Variants in EPN2 observed in about 807,000 individuals in gnomAD.
EPN2 encodes the protein epsin 2, also known as epsin-2.
A neutral mutation model predicts 61.7 loss-of-function variants in EPN2; 34 were observed. The observed-to-expected ratio is 0.55, with a 90% CI of 0.42 to 0.73. EPN2 has a LOEUF of 0.73. EPN2 is among the 30% of genes least tolerant of loss of function. The probability of loss-of-function intolerance (pLI) is 0.00; values close to 1 mark genes in which losing one functional copy is unlikely to be tolerated. For missense variants in EPN2, 714 were observed against 839.2 expected, an observed-to-expected ratio of 0.85 and a Z score of 1.84; for synonymous variants, 349 against 353.6, an observed-to-expected ratio of 0.99 and a Z score of 0.15.
intron 1 of EPN2, among the ~76,000 whole-genome samples, chr17:19,238,195 A>G (rs960959036): frequency 1.3e-5 from 2 of 152,092 alleles, no homozygotes; most frequent in African/African-American, 4.8e-5. Context: ...TCCGCGTGGG[A>G]TGGCAGAGAC....
intron 7 of EPN2, among the ~76,000 whole-genome samples, chr17:19,314,916 T>C (rs1906315035): frequency 6.6e-6 from 1 of 152,228 alleles, no homozygotes. Context: ...TGTAAAGTGA[T>C]GGCCACCATA....
intron 4 of EPN2, among the ~76,000 whole-genome samples, chr17:19,294,090 T>TAA (rs35150015): frequency 7.2e-6 from 1 of 139,430 alleles, no homozygotes; most frequent in Non-Finnish European, 1.6e-5. Context: ...ACTCTGTCTT[T>TAA]AAAAAAAAAA....
At chr17:19,302,214 C>CA (rs1905565061) in intron 4 of EPN2, among the ~76,000 whole-genome samples, 1 of 152,228 alleles carries the variant, frequency 6.6e-6, no homozygotes, top group South Asian at 2.1e-4. Context: ...CCTCGAGAGA[C>CA]AGTGTTGCAC....
intron 1 of EPN2, among the ~76,000 whole-genome samples, chr17:19,240,391 G>A (rs937181560): frequency 6.6e-6 from 1 of 152,116 alleles, no homozygotes; most frequent in Non-Finnish European, 1.5e-5. Context: ...GACTACAGGC[G>A]TGTGCCACCA....
chr17:19,261,076 A>G (rs560382670), intron 1 of EPN2, among the ~76,000 whole-genome samples: 24 of 152,350 alleles, frequency 1.6e-4, no homozygotes, highest in African/African-American at 5.8e-4. Flanking sequence ...TCACGTGCAC[A>G]TCGTTTCCCA....
At chr17:19,295,362 A>ACGCG (rs1182989127) in intron 4 of EPN2, among the ~76,000 whole-genome samples, 3,182 of 70,874 alleles carry the variant, frequency 0.045, 93 homozygotes, top group African/African-American at 0.095. Flanking sequence ...ACACACACAC[A>ACGCG]CACACGCGCG....
intron 1 of EPN2, among the ~76,000 whole-genome samples, chr17:19,253,846 G>T (rs2045043516): frequency 6.6e-6 from 1 of 152,174 alleles, no homozygotes; most frequent in East Asian, 1.9e-4. Flanking sequence ...CATTTTGAAA[G>T]AACTTATAAC....
chr17:19,317,246 G>C (rs912275733), intron 7 of EPN2, among the ~76,000 whole-genome samples: 2 of 152,208 alleles, frequency 1.3e-5, no homozygotes, highest in Admixed American at 1.3e-4. Flanking sequence ...GAAATGCTCA[G>C]GGTTGAAAGG....
At chr17:19,322,446 A>G (rs1359612228) in intron 7 of EPN2, among the ~76,000 whole-genome samples, 1 of 152,138 alleles carries the variant, frequency 6.6e-6, no homozygotes, top group Non-Finnish European at 1.5e-5. Flanking sequence ...AAAGGCCACC[A>G]AGATAGTGGC....
At chr17:19,243,449 G>A (rs2152198559) in intron 1 of EPN2, among the ~76,000 whole-genome samples, 1 of 134,734 alleles carries the variant, frequency 7.4e-6, no homozygotes, top group African/African-American at 2.9e-5. Flanking sequence ...CTGGAGTGCA[G>A]CGGCGCGATC....
chr17:19,333,113 A>G (rs1445271059), intron 10 of EPN2, among the ~76,000 whole-genome samples: 1 of 152,056 alleles, frequency 6.6e-6, no homozygotes, highest in Non-Finnish European at 1.5e-5. Flanking sequence ...GTGGAACTAG[A>G]TTAGTTTCCA....
intron 1 of EPN2, among the ~76,000 whole-genome samples, chr17:19,276,851 C>A (rs150286246): frequency 1.4e-5 from 2 of 142,050 alleles, no homozygotes; most frequent in African/African-American, 6.0e-5. Flanking sequence ...TTTTGACAAC[C>A]CTCCCACCTC....
chr17:19,305,680 C>T (rs538547104), intron 4 of EPN2, among the ~76,000 whole-genome samples: 7 of 152,280 alleles, frequency 4.6e-5, no homozygotes, highest in East Asian at 1.9e-4. Flanking sequence ...GTTTTAGGAG[C>T]GCATTTGGGA....
intron 4 of EPN2, among the ~76,000 whole-genome samples, chr17:19,294,538 TAAAC>T (rs901919671): frequency 2.0e-5 from 3 of 152,264 alleles, no homozygotes; most frequent in Admixed American, 6.5e-5. Context: ...GTAGTATAGG[TAAAC>T]AAACTATTGT....
Position 19,248,510 on chromosome 17 carries a change from T to C in EPN2, c.-294+10979T>C, listed in dbSNP as rs1410667023. 4.6e-5 allele frequency: 7 copies of C among 152,190 alleles called. No individual in the cohort carries two copies. The East Asian group carries it at 1.3e-3, about 29-fold the overall frequency. 9.4% of individuals were successfully genotyped at this position (152,190 alleles called of 1,614,324 possible). A position where few individuals can be genotyped will look rare whatever the true frequency, so the allele number is the denominator to read the frequency against. ...ATTTCTTTAATTTTATTAAAGATAG[T>C]TGTAATGTGGAGTTACTAATTTAGA... On this transcript the variant is annotated intron_variant, in intron 1 of 10. Transcript: ENST00000314728.
At chr17:19,317,500 C>T (rs992218502) in intron 7 of EPN2, among the ~76,000 whole-genome samples, 25 of 152,178 alleles carry the variant, frequency 1.6e-4, no homozygotes, top group Non-Finnish European at 2.9e-4. Context: ...TCTTCTGTGA[C>T]GCACCACCCC....
At chr17:19,284,523 G>C (rs2045386475) in intron 3 of EPN2, among the ~76,000 whole-genome samples, 1 of 152,210 alleles carries the variant, frequency 6.6e-6, no homozygotes, top group African/African-American at 2.4e-5. Flanking sequence ...TGGCCCTAGT[G>C]GCCTTTGGGG....
chr17:19,269,429 G>C (rs547104284), intron 1 of EPN2, among the ~76,000 whole-genome samples: 2 of 152,214 alleles, frequency 1.3e-5, no homozygotes, highest in Admixed American at 1.3e-4. Flanking sequence ...AACAGTGCAG[G>C]TTTCTCAGGG....
intron 7 of EPN2, among the ~76,000 whole-genome samples, chr17:19,314,058 T>G (rs941658715): frequency 6.6e-6 from 1 of 152,200 alleles, no homozygotes; most frequent in African/African-American, 2.4e-5. Flanking sequence ...CTGGAGTCTC[T>G]GTTTCTCTCA....
Sources: allele counts gnomAD v4.1 joint callset (sites outside exome capture counted in the v4.1 genomes callset), GRCh38; gene constraint gnomAD v4.1.1; transcripts MANE v1.5; gene names NCBI Gene and HGNC (gene_info 2026-07-23, HGNC 2026-07-21).